JPH3: variants seen among roughly 807,000 people sequenced by gnomAD.
JPH3 encodes the protein junctophilin-3.
A neutral mutation model predicts 59.6 loss-of-function variants in JPH3; 11 were observed. That is an observed-to-expected ratio of 0.18 (90% CI 0.12 to 0.31). The LOEUF (loss-of-function observed/expected upper bound fraction) is 0.31, where lower values mean the gene tolerates loss of function less well. Among genes scored for constraint, JPH3 ranks in the 10% least tolerant of loss-of-function variants. JPH3 has a pLI of 1.00. For missense variants in JPH3, 1,202 were observed against 1,105.7 expected (o/e 1.09, Z -1.24); for synonymous variants, 673 against 483.6 (o/e 1.39, Z -5.14).
intron 2 of JPH3, 80 bp from the exon 3 acceptor site, chr16:87,684,062 G>A (rs2033357814): frequency 9.8e-7 from 1 of 1,018,408 alleles, no homozygotes. Flanking sequence ...CGTTGTTGGG[G>A]GGTTGGCAGA....
chr16:87,630,366 ACAC>A (rs2031526384), intron 1 of JPH3, among the ~76,000 whole-genome samples: 1 of 152,084 alleles, frequency 6.6e-6, no homozygotes, highest in Non-Finnish European at 1.5e-5. Context: ...AGACCTTCTG[ACAC>A]CACCTCTGCT....
At chr16:87,608,135 C>T (rs1244613821) in intron 1 of JPH3, among the ~76,000 whole-genome samples, 1 of 152,198 alleles carries the variant, frequency 6.6e-6, no homozygotes, top group Non-Finnish European at 1.5e-5. Context: ...TGAGCAGCCC[C>T]AGCTGACACA....
intron 3 of JPH3, among the ~76,000 whole-genome samples, chr16:87,687,112 G>A (rs945886882): frequency 6.6e-6 from 1 of 152,198 alleles, no homozygotes; most frequent in Non-Finnish European, 1.5e-5. Flanking sequence ...TTTCCGCCTT[G>A]GATGCATTCA....
At chr16:87,638,214 C>T (rs1038811543) in intron 1 of JPH3, among the ~76,000 whole-genome samples, 6 of 152,308 alleles carry the variant, frequency 3.9e-5, no homozygotes, top group African/African-American at 4.8e-5. Context: ...CCACCACACC[C>T]GGCCTCCTTT....
At chr16:87,690,770 A>C (rs74039470) in intron 4 of JPH3, among the ~76,000 whole-genome samples, 2,911 of 151,996 alleles carry the variant, frequency 0.019, 92 homozygotes, top group African/African-American at 0.065. Flanking sequence ...TCCAGAAAGC[A>C]CACGAAACTC....
At chr16:87,691,973 T>TG (rs1567617433) in intron 4 of JPH3, among the ~76,000 whole-genome samples, 1 of 152,126 alleles carries the variant, frequency 6.6e-6, no homozygotes, top group Admixed American at 6.5e-5. Flanking sequence ...TGAACCTCCC[T>TG]GGGGGTCAAT....
intron 3 of JPH3, among the ~76,000 whole-genome samples, chr16:87,689,188 C>T (rs980661009): frequency 6.6e-6 from 1 of 152,194 alleles, no homozygotes; most frequent in African/African-American, 2.4e-5. Context: ...TGTCCCAGCA[C>T]CCTGAGACAC....
intron 4 of JPH3, chr16:87,694,920 G>A: frequency 8.6e-6 from 2 of 231,858 alleles, no homozygotes. Context: ...CGGTTGCACG[G>A]CCCATGTCTT....
chr16:87,655,938 C>G (rs1043767021), intron 2 of JPH3, among the ~76,000 whole-genome samples: 1 of 152,234 alleles, frequency 6.6e-6, no homozygotes, highest in African/African-American at 2.4e-5. Flanking sequence ...TTCCCTTTGC[C>G]CACATGCCCT....
chr16:87,662,723 C>T (rs973263120), intron 2 of JPH3, among the ~76,000 whole-genome samples: 1 of 152,250 alleles, frequency 6.6e-6, no homozygotes, highest in Admixed American at 6.5e-5. Flanking sequence ...GGCTGCTTTC[C>T]TCTGGCTCAT....
Position 87,689,962 on chromosome 16 carries a change from G to A in JPH3, c.1602G>A (p.Glu534=). The A allele has an allele frequency of 6.9e-7, 1 of 1,452,660 alleles. No homozygotes were observed. Among genetic ancestry groups the A allele is most frequent in the Non-Finnish European group, 9.0e-7 (1 of 1,105,774 alleles). The allele number at this position is 1,452,660 out of a possible 1,614,324, so 90.0% of individuals were successfully genotyped here. ...GCGCCCGCAGCAGCTGGGGCGAGGA[G>A]CAGGCCGGGGGCTCCAGGGGTGTCC... ...GDCARSSWGE[E]QAGGSRGVRS... Residue 534 remains glutamate (E), a synonymous_variant, in exon 4 of 5, where the codon GAG becomes GAA. Transcript: ENST00000284262.
chr16:87,682,937 C>T lies in JPH3; in HGVS notation c.1161-1205C>T, dbSNP rs148913451. On this transcript the variant is annotated intron_variant, in intron 2 of 4. Transcript: ENST00000284262. ...CTGCCTTCGGGACGTCTGTCTAGTC[C>T]CTTGTCTTACAAAGGGTGGGCAGGT... Among the ~76,000 whole-genome samples the T allele has an allele frequency of 6.6e-5, 10 of 152,366 alleles. No homozygotes were observed. In the East Asian group the frequency reaches 1.9e-3, roughly 29 times the overall value.
chr16:87,644,442 G>C lies in JPH3; in HGVS notation c.567G>C (p.Pro189=), dbSNP rs201180818. 2 of 1,612,162 alleles carry C rather than the reference G, an allele frequency of 1.2e-6. No homozygotes were observed. The highest frequency in any genetic ancestry group is 1.3e-5 in the African/African-American group (1 of 74,918). ...CCTCTCCGGCGGTGGCCGGCAGCCCGGCCGTGTCCCGCGGGGGCTTCGTGC... is the reference window on the plus strand; with the variant it reads ...CCTCTCCGGCGGTGGCCGGCAGCCCCGCCGTGTCCCGCGGGGGCTTCGTGC... ...PDASPAVAGS[P]AVSRGGFVLV... is the part of the protein sequence containing the mutation. Residue 189 remains proline, a synonymous_variant, in exon 2 of 5, where the codon CCG becomes CCC. Coordinates refer to ENST00000284262, the MANE Select transcript of JPH3 (RefSeq NM_020655.4).
intron 2 of JPH3, among the ~76,000 whole-genome samples, chr16:87,649,046 A>C (rs1322943279): frequency 6.6e-6 from 1 of 152,194 alleles, no homozygotes; most frequent in Non-Finnish European, 1.5e-5. Flanking sequence ...AGTCCAGCCC[A>C]GCAAGGGTGT....
At chr16:87,652,920 G>T (rs2032371226) in intron 2 of JPH3, among the ~76,000 whole-genome samples, 1 of 152,214 alleles carries the variant, frequency 6.6e-6, no homozygotes, top group Non-Finnish European at 1.5e-5. Context: ...CAGCTAATTG[G>T]TGGCTGCGTT....
rs2033902284 is a variant in JPH3, at chr16:87,697,070, C to T, written c.*410C>T. On this transcript the variant is annotated 3_prime_UTR_variant, in exon 5 of 5. Transcript: ENST00000284262. ...CGCGGCCCCTGAGTGGCAGGGCTGACTCCCGTCGACACGAGCTTAGAAAGT... is the reference window on the plus strand; with the variant it reads ...CGCGGCCCCTGAGTGGCAGGGCTGATTCCCGTCGACACGAGCTTAGAAAGT... 2 of 269,454 alleles carry T rather than the reference C, an allele frequency of 7.4e-6. No individual in the cohort carries two copies. The highest frequency in any genetic ancestry group is 1.5e-5 in the Non-Finnish European group (2 of 137,646). 16.7% of individuals were successfully genotyped at this position (269,454 alleles called of 1,614,324 possible).
chr16:87,611,398 C>T lies in JPH3; in HGVS notation c.382+7870C>T, dbSNP rs1282160017. Reference sequence around the variant, plus strand: ...GTAGGGTGAGAGTTGTTATCCCAAGCCTGAGGCTGCAGATTTGTTCGAGGC... The same window carrying T: ...GTAGGGTGAGAGTTGTTATCCCAAGTCTGAGGCTGCAGATTTGTTCGAGGC... On this transcript the variant is annotated intron_variant, in intron 1 of 4. Coordinates refer to ENST00000284262, the MANE Select transcript of JPH3 (RefSeq NM_020655.4). The surrounding 1 kb of genome is among the most constrained non-coding windows in gnomAD (Gnocchi z 4.5). 6.6e-6 allele frequency among the ~76,000 whole-genome samples: 1 copy of T among 152,114 alleles called. No individual in the cohort carries two copies. The highest frequency in any genetic ancestry group is 2.4e-5 in the African/African-American group (1 of 41,404).
intron 1 of JPH3, among the ~76,000 whole-genome samples, chr16:87,629,422 G>GTT (rs11343784): frequency 1.1e-4 from 16 of 145,750 alleles, no homozygotes; most frequent in African/African-American, 4.0e-4. Flanking sequence ...ATCTTTGTGG[G>GTT]TTTTTTTTTT....
rs1032890595 is a variant in JPH3, at chr16:87,644,515, C to T, written c.640C>T (p.Leu214=). 3 of 1,612,796 alleles carry T rather than the reference C, an allele frequency of 1.9e-6. No individual in the cohort carries two copies. The highest frequency in any genetic ancestry group is 1.1e-5 in the South Asian group (1 of 91,074). ...GATCCTCAAGAGCAAGAAGAAGGGG[C>T]TGTTTCGGCGCTCGCTGCTGAGTGG... ...SEILKSKKKG[L]FRRSLLSGLK... The change falls in exon 2 of 5, where the codon CTG becomes TTG. Residue 214 remains leucine, a synonymous_variant. Coordinates refer to ENST00000284262, the MANE Select transcript of JPH3 (RefSeq NM_020655.4).
Sources: gnomAD v4.1 joint callset for allele counts (sites outside exome capture counted in the v4.1 genomes callset) on GRCh38, gnomAD v4.1.1 for gene constraint, Gnocchi (gnomAD v3.1) non-coding constraint, MANE v1.5 for transcripts, NCBI Gene and HGNC (gene_info 2026-07-23, HGNC 2026-07-21) for gene names.